The following IGDCC4 variants were observed in gnomAD, a reference collection of about 807,000 sequenced individuals.
The protein encoded by IGDCC4 is immunoglobulin superfamily DCC subclass member 4.
A neutral mutation model predicts 116.6 loss-of-function variants in IGDCC4; 72 were observed. The ratio of observed to expected loss-of-function variants is 0.62; its 90% CI spans 0.51 to 0.75. The LOEUF (loss-of-function observed/expected upper bound fraction) is 0.75, where lower values mean the gene tolerates loss of function less well. Ranked by LOEUF, IGDCC4 falls within the 30% of genes least tolerant of loss-of-function variation. The pLI is 0.00. For missense variants in IGDCC4, 1,501 were observed against 1,662.4 expected, an observed-to-expected ratio of 0.90 and a Z score of 1.69; for synonymous variants, 709 against 719.9, an observed-to-expected ratio of 0.98 and a Z score of 0.24.
intron 3 of IGDCC4, among the ~76,000 whole-genome samples, chr15:65,406,507 C>T (rs1025344243): frequency 1.3e-5 from 2 of 152,136 alleles, no homozygotes; most frequent in Non-Finnish European, 2.9e-5. Flanking sequence ...TCTTTACCAT[C>T]AGTTCCAAAC....
intron 3 of IGDCC4, among the ~76,000 whole-genome samples, chr15:65,405,817 A>G (rs1286923693): frequency 6.6e-6 from 1 of 152,232 alleles, no homozygotes; most frequent in African/African-American, 2.4e-5. Flanking sequence ...AAAATGAAAA[A>G]CAATCTCAAC....
chr15:65,389,035 T>G, intron 14 of IGDCC4, 57 bp from the exon 15 acceptor site: 1 of 1,187,126 alleles, frequency 8.4e-7, no homozygotes, highest in Non-Finnish European at 1.2e-6. Context: ...CAGAGCATGA[T>G]GATATGACCT....
In IGDCC4 at chr15:65,384,729, G is replaced by T. The variant is rs1421133444; in HGVS notation, c.3342+225C>A. The T allele has an allele frequency of 2.2e-5, 13 of 580,990 alleles. No homozygotes were observed. The allele number at this position is 580,990 out of a possible 1,614,324, so 36.0% of individuals were successfully genotyped here. On this transcript the variant is annotated intron_variant, in intron 19 of 19. Coordinates refer to ENST00000352385, the MANE Select transcript of IGDCC4 (RefSeq NM_020962.3). The surrounding 1 kb of genome is among the most constrained non-coding windows in gnomAD (Gnocchi z 4.9). ...CCACGGAACTGCTGTGGCCCACTTA[G>T]GTCTGGGTAGAGGAGGGGCTGTTTT...
Position 65,384,191 on chromosome 15 carries a change from C to T in IGDCC4, c.3571G>A (p.Ala1191Thr). 1 of 1,612,102 alleles carries T rather than the reference C, an allele frequency of 6.2e-7. No individual in the cohort carries two copies. Among genetic ancestry groups the T allele is most frequent in the Non-Finnish European group, 8.5e-7 (1 of 1,178,782 alleles). Residue 1191 changes from alanine (A) to threonine (T), a missense_variant, in exon 20 of 20, where the codon GCC becomes ACC. Ala to Thr is a moderately conservative substitution (Grantham distance 58). This residue lies in a region of IGDCC4 where 368 missense variants were observed against 355.6 expected (regional missense o/e 1.03). Coordinates refer to ENST00000352385, the MANE Select transcript of IGDCC4 (RefSeq NM_020962.3). The surrounding 1 kb of genome is among the most constrained non-coding windows in gnomAD (Gnocchi z 4.9). ...CAGGTAAGTCTGTCTGGCCCGGGGG[C>T]TGCCAGCTCACACCCTCCCAACTCC... is the stretch of plus-strand genomic sequence containing the variant. ...DRELGGCELA[A>T]PGPDRLTCLP...
chr15:65,396,175 A>T lies in IGDCC4; in HGVS notation c.998-12T>A. On this transcript the variant is annotated splice_polypyrimidine_tract_variant and intron_variant, in intron 6 of 19. Transcript: ENST00000352385. ...GATGGCGGGAGCCGCTAGGGGCGCG[A>T]GGGGCGACGCTGAGCGCGGGATCCC... 1 of 1,493,540 alleles carries T rather than the reference A, an allele frequency of 6.7e-7. No individual in the cohort carries two copies. The highest frequency in any genetic ancestry group is 8.9e-7 in the Non-Finnish European group (1 of 1,126,800). The allele number at this position is 1,493,540 out of a possible 1,614,324, so 92.5% of individuals were successfully genotyped here. A position where few individuals can be genotyped will look rare whatever the true frequency, so the allele number is the denominator to read the frequency against.
chr15:65,414,141 A>G (rs974224621), intron 1 of IGDCC4, among the ~76,000 whole-genome samples: 1 of 152,210 alleles, frequency 6.6e-6, no homozygotes, highest in East Asian at 1.9e-4. Context: ...CCTTCCCACC[A>G]GCTCCAAAGA....
Position 65,392,305 on chromosome 15 carries a change from G to A in IGDCC4, c.1951C>T (p.Pro651Ser), listed in dbSNP as rs2062875925. ...GAGATCTGGGTGGGGTGAGGGGGTGGCTGCCATGACACGACCAGGGACTCC... is the reference window on the plus strand; with the variant it reads ...GAGATCTGGGTGGGGTGAGGGGGTGACTGCCATGACACGACCAGGGACTCC... ...KMESLVVSWQ[P>S]PPHPTQISGY... The change falls in exon 11 of 20, where the codon CCA becomes TCA. Residue 651 changes from proline (P) to serine (S), a missense_variant. Pro to Ser is a moderately conservative substitution (Grantham distance 74). Coordinates refer to ENST00000352385, the MANE Select transcript of IGDCC4 (RefSeq NM_020962.3). 1.9e-6 allele frequency: 3 copies of A among 1,594,478 alleles called. No individual in the cohort carries two copies. The highest frequency in any genetic ancestry group is 1.3e-5 in the African/African-American group (1 of 74,662).
In IGDCC4 at chr15:65,393,642, G is replaced by T; in HGVS notation, c.1715-111C>A. 8.7e-7 allele frequency: 1 copy of T among 1,147,756 alleles called. No individual in the cohort carries two copies. Among genetic ancestry groups the T allele is most frequent in the Non-Finnish European group, 1.2e-6 (1 of 818,650 alleles). The allele number at this position is 1,147,756 out of a possible 1,614,324, so 71.1% of individuals were successfully genotyped here. A position where few individuals can be genotyped will look rare whatever the true frequency, so the allele number is the denominator to read the frequency against. On this transcript the variant is annotated intron_variant, in intron 9 of 19. Transcript: ENST00000352385. This position sits in a 1 kb window ranked among gnomAD's most constrained non-coding sequence, Gnocchi z 4.6. ...TCCCGGTTCCTCCGTGCCCGTGGGA[G>T]CCTGAGGCGTTCTCAGCACTGACCC...
rs376723906 is a variant in IGDCC4, at chr15:65,392,318, G to C, written c.1938C>G (p.Val646=). 59 of 1,586,024 alleles carry C rather than the reference G, an allele frequency of 3.7e-5. No individual in the cohort carries two copies. The highest frequency in any genetic ancestry group is 4.1e-5 in the Non-Finnish European group (48 of 1,163,056). The change falls in exon 11 of 20, where the codon GTC becomes GTG. Residue 646 remains valine (V), a synonymous_variant. Transcript: ENST00000352385. ...LKVQAKMESL[V]VSWQPPPHPT... is the part of the protein sequence containing the mutation. ...GGTGAGGGGGTGGCTGCCATGACACGACCAGGGACTCCATCTTTGCCTGCA... is the reference window on the plus strand; with the variant it reads ...GGTGAGGGGGTGGCTGCCATGACACCACCAGGGACTCCATCTTTGCCTGCA...
chr15:65,390,078 C>T, intron 13 of IGDCC4, 77 bp downstream of exon 13: 1 of 1,331,638 alleles, frequency 7.5e-7, no homozygotes. Flanking sequence ...CCCTGATCAC[C>T]ACCTGCTGCC....
chr15:65,410,497 T>C (rs2063080960), intron 2 of IGDCC4, 178 bp from the exon 3 acceptor site: 1 of 676,644 alleles, frequency 1.5e-6, no homozygotes, highest in Admixed American at 2.7e-5. Context: ...AGCGGTCAGA[T>C]ACTGCCAGCA....
rs1474045390 is a variant in IGDCC4 at position 65,383,294 on chromosome 15, CAGG to C, written c.*712_*714del. The C allele has an allele frequency of 2.0e-5, 3 of 153,260 alleles. No individual in the cohort carries two copies. The highest frequency in any genetic ancestry group is 2.9e-5 in the Non-Finnish European group (2 of 68,470). 9.5% of individuals were successfully genotyped at this position (153,260 alleles called of 1,614,324 possible). The stretch of plus-strand genomic sequence containing the variant: ...GAGGAAAGGAAAGAGTATCTGGGAG[CAGG>C]AGAAGGGCACTGGTGCTGGGAGAGC... On this transcript the variant is annotated 3_prime_UTR_variant, in exon 20 of 20. Coordinates refer to ENST00000352385, the MANE Select transcript of IGDCC4 (RefSeq NM_020962.3).
At position 65,386,054 on chromosome 15, in the gene IGDCC4, G is replaced by A; in HGVS notation, c.2957C>T (p.Ser986Phe). 6.6e-7 allele frequency: 1 copy of A among 1,506,388 alleles called. No individual in the cohort carries two copies. The highest frequency in any genetic ancestry group is 8.9e-7 in the Non-Finnish European group (1 of 1,129,520). 93.3% of individuals were successfully genotyped at this position (1,506,388 alleles called of 1,614,324 possible). A position where few individuals can be genotyped will look rare whatever the true frequency, so the allele number is the denominator to read the frequency against. Reference sequence around the variant, plus strand: ...GGCGGTGGAGGACAGGCCTGGGAGGGATTCCCTGGAAGGGAAGACGGAAAA... The same window carrying A: ...GGCGGTGGAGGACAGGCCTGGGAGGAATTCCCTGGAAGGGAAGACGGAAAA... ...AGLRRSPHRE[S>F]LPGLSSTATP... is the part of the protein sequence containing the mutation. Residue 986 changes from serine to phenylalanine, a missense_variant, in exon 18 of 20, where the codon TCC (serine) becomes TTC (phenylalanine). Transcript: ENST00000352385.
chr15:65,386,087 T>C lies in IGDCC4; in HGVS notation c.2952-28A>G, dbSNP rs777813846. 3.1e-5 allele frequency: 43 copies of C among 1,402,608 alleles called. No homozygotes were observed. In the Admixed American group the frequency reaches 1.0e-3, roughly 34 times the overall value. The allele number at this position is 1,402,608 out of a possible 1,614,324, so 86.9% of individuals were successfully genotyped here. ...GGAAGGGAAGACGGAAAACAAGGCATAGCGGTCAGAGTAAGGGGTCAGGCG... is the reference window on the plus strand; with the variant it reads ...GGAAGGGAAGACGGAAAACAAGGCACAGCGGTCAGAGTAAGGGGTCAGGCG... On this transcript the variant is annotated intron_variant, in intron 17 of 19. Transcript: ENST00000352385.
In IGDCC4 at chr15:65,384,528, C is replaced by G. The variant is rs1332143407; in HGVS notation, c.3343-109G>C. On this transcript the variant is annotated intron_variant, in intron 19 of 19. Transcript: ENST00000352385. The surrounding 1 kb of genome is among the most constrained non-coding windows in gnomAD (Gnocchi z 4.9). ...TCTGACCCTCCATCAGAGTAAGTAT[C>G]ACATGGGAGTCGGTGAAGGATACAC... is the stretch of plus-strand genomic sequence containing the variant. 2 of 1,091,220 alleles carry G rather than the reference C, an allele frequency of 1.8e-6. No homozygotes were observed. The highest frequency in any genetic ancestry group is 3.2e-5 in the African/African-American group (2 of 63,306). 67.6% of individuals were successfully genotyped at this position (1,091,220 alleles called of 1,614,324 possible).
chr15:65,399,833 G>C (rs1299485702), intron 5 of IGDCC4, among the ~76,000 whole-genome samples: 5 of 152,226 alleles, frequency 3.3e-5, no homozygotes, highest in Non-Finnish European at 5.9e-5. Context: ...GATGTATAGA[G>C]TAATAGAATG....
rs1236007052 is a variant in IGDCC4, at chr15:65,396,960, C to A, written c.871G>T (p.Val291Phe). ...DGKPISTDVI[V>F]LGRTNLLIAN... is the part of the protein sequence containing the mutation. ...ATTAGTAGGTTGGTGCGGCCCAGGA[C>A]GATGACATCTGTGGAGATGGGCTTC... The change falls in exon 6 of 20, where the codon GTC (valine) becomes TTC (phenylalanine). Residue 291 changes from valine (V) to phenylalanine (F), a missense_variant. Val to Phe is a conservative substitution (Grantham distance 50). Transcript: ENST00000352385. 3.8e-6 allele frequency: 6 copies of A among 1,580,510 alleles called. No individual in the cohort carries two copies. In the Admixed American group the frequency reaches 9.1e-5, roughly 24 times the overall value.
chr15:65,387,805 A>C (rs557651886), intron 16 of IGDCC4, among the ~76,000 whole-genome samples: 21 of 152,258 alleles, frequency 1.4e-4, no homozygotes, highest in African/African-American at 4.8e-4. Flanking sequence ...TTCCCAAAGA[A>C]ACTGGTCTCT....
rs186640574 is a variant in IGDCC4, at chr15:65,411,531, T to C, written c.71-161A>G. Among the ~76,000 whole-genome samples, 8 of 152,342 alleles carry C rather than the reference T, an allele frequency of 5.3e-5. No individual in the cohort carries two copies. The East Asian group carries it at 1.5e-3, about 29-fold the overall frequency. Reference sequence around the variant, plus strand: ...CTAACTGTGACCTTGGACAAACTGCTGCATTCCTCTGTGCCTGTCTTCCCC... The same window carrying C: ...CTAACTGTGACCTTGGACAAACTGCCGCATTCCTCTGTGCCTGTCTTCCCC... On this transcript the variant is annotated intron_variant, in intron 1 of 19. Transcript: ENST00000352385.
Sources: gnomAD v4.1 joint callset for allele counts (sites outside exome capture counted in the v4.1 genomes callset) on GRCh38, gnomAD v4.1.1 for gene constraint, gnomAD v4.1.1 regional missense constraint, Gnocchi (gnomAD v3.1) non-coding constraint, MANE v1.5 for transcripts, NCBI Gene and HGNC (gene_info 2026-07-23, HGNC 2026-07-21) for gene names.